RNASEH1: variants seen among roughly 807,000 people sequenced by gnomAD.
RNASEH1 encodes ribonuclease H type II.
A neutral mutation model predicts 34.6 loss-of-function variants in RNASEH1; 27 were observed. That is an observed-to-expected ratio of 0.78 (90% CI 0.58 to 1.08). The LOEUF is 1.08. Among genes scored for constraint, RNASEH1 ranks in the 50% least tolerant of loss-of-function variants. RNASEH1 has a pLI of 0.00. For synonymous variants in RNASEH1, 162 were observed against 138.4 expected, an observed-to-expected ratio of 1.17 and a Z score of -1.20; for missense variants, 349 against 373.6, an observed-to-expected ratio of 0.93 and a Z score of 0.54.
chr2:3,547,900 G>A, intron 7 of RNASEH1, 31 bp downstream of exon 7: 1 of 1,608,148 alleles, frequency 6.2e-7, no homozygotes, highest in Non-Finnish European at 8.5e-7. Context: ...GGTCATAATG[G>A]CCATAGGACA....
Position 3,548,699 on chromosome 2 carries a change from G to A in RNASEH1, c.590C>T (p.Ala197Val), listed in dbSNP as rs1436380013. ...IHAACKAIEQ[A>V]KTQNINKLVL... is the part of the protein sequence containing the mutation. ...CAGTTTATTGATGTTTTGAGTCTTT[G>A]CTTGTTCAATGGCTTTGCAGGCTGC... The change falls in exon 6 of 8, where the codon GCA becomes GTA. Residue 197 changes from alanine (A) to valine (V), a missense_variant. By Grantham distance (64) the Ala-to-Val change is moderately conservative. Transcript: ENST00000315212. The A allele has an allele frequency of 1.9e-6, 3 of 1,612,908 alleles. No homozygotes were observed. The highest frequency in any genetic ancestry group is 2.5e-6 in the Non-Finnish European group (3 of 1,179,154).
chr2:3,550,401 C>T lies in RNASEH1; in HGVS notation c.481G>A (p.Gly161Ser), dbSNP rs756690875. The change falls in exon 4 of 8, where the codon GGC becomes AGC. Residue 161 changes from glycine to serine, a missense_variant. Gly to Ser is a moderately conservative substitution (Grantham distance 56). Coordinates refer to ENST00000315212, the MANE Select transcript of RNASEH1 (RefSeq NM_002936.6). ...GGATGGCCTGGCCCCCAGTAAACGCCGATTCCTGCTCGCGGCCTTCTACGC... is the reference window on the plus strand; with the variant it reads ...GGATGGCCTGGCCCCCAGTAAACGCTGATTCCTGCTCGCGGCCTTCTACGC... ...NGRRRPRAGI[G>S]VYWGPGHPLN... is the part of the protein sequence containing the mutation. 3.7e-6 allele frequency: 6 copies of T among 1,613,926 alleles called. No homozygotes were observed. Among genetic ancestry groups the T allele is most frequent in the East Asian group, 2.2e-5 (1 of 44,890 alleles).
intron 3 of RNASEH1, among the ~76,000 whole-genome samples, chr2:3,551,094 T>G (rs1035542977): frequency 6.6e-6 from 1 of 152,252 alleles, no homozygotes; most frequent in African/African-American, 2.4e-5. Context: ...GAGGTCAGGT[T>G]GCACAGTGTT....
At chr2:3,534,760 C>T in the RNASEH1 span, among the ~76,000 whole-genome samples, 3,267 of 152,318 alleles carry the variant, frequency 0.021, 119 homozygotes, top group African/African-American at 0.073. Context: ...TGGAGGTCTC[C>T]GGCTGGTGAA....
rs1389777175 is a variant in RNASEH1, at chr2:3,547,984, T to C, written c.721A>G (p.Lys241Glu). 2 of 1,613,854 alleles carry C rather than the reference T, an allele frequency of 1.2e-6. No individual in the cohort carries two copies. Among genetic ancestry groups the C allele is most frequent in the Admixed American group, 3.3e-5 (2 of 60,008 alleles). ...KTSAGKEVIN[K>E]EDFVALERLT... is the part of the protein sequence containing the mutation. Reference sequence around the variant, plus strand: ...CTCTCCAGTGCCACAAAGTCCTCTTTGTTGATCACCTCTTTCCCTGCACTT... The same window carrying C: ...CTCTCCAGTGCCACAAAGTCCTCTTCGTTGATCACCTCTTTCCCTGCACTT... Residue 241 changes from lysine (K) to glutamate (E), a missense_variant, in exon 7 of 8, where the codon AAA (lysine) becomes GAA (glutamate). Lys to Glu is a moderately conservative substitution (Grantham distance 56, BLOSUM62 1). Transcript: ENST00000315212.
At chr2:3,540,405 C>T (rs1364584340), downstream of RNASEH1, among the ~76,000 whole-genome samples, 1 of 151,978 alleles carries the variant, frequency 6.6e-6, no homozygotes, top group Non-Finnish European at 1.5e-5. Context: ...GCTGTACTGA[C>T]ATCACTTTTG....
chr2:3,535,010 T>C, the RNASEH1 span, among the ~76,000 whole-genome samples: 1 of 152,206 alleles, frequency 6.6e-6, no homozygotes, highest in Non-Finnish European at 1.5e-5. Flanking sequence ...GGAGTCCGTG[T>C]CCAACACGAA....
At chr2:3,557,035 C>A (rs1660574275) in intron 1 of RNASEH1, 131 bp from the exon 2 acceptor site, 3 of 660,218 alleles carry the variant, frequency 4.5e-6, no homozygotes, top group Non-Finnish European at 8.1e-6. Context: ...AAGTCCTCCA[C>A]CCCATCACAG....
intron 7 of RNASEH1, among the ~76,000 whole-genome samples, chr2:3,547,404 T>G: frequency 6.6e-6 from 1 of 151,988 alleles, no homozygotes; most frequent in Admixed American, 6.6e-5. Flanking sequence ...TCGAACTTCT[T>G]GGCTTAAGTA....
chr2:3,557,937 G>C (rs1253583084), intron 1 of RNASEH1, 196 bp downstream of exon 1: 1 of 1,528,360 alleles, frequency 6.5e-7, no homozygotes, highest in Non-Finnish European at 8.8e-7. Context: ...TCTTCGGTGC[G>C]TTCCAGTCCC....
At chr2:3,540,378 G>A (rs1230720834), downstream of RNASEH1, among the ~76,000 whole-genome samples, 4 of 151,794 alleles carry the variant, frequency 2.6e-5, no homozygotes, top group Non-Finnish European at 4.4e-5. Context: ...CCTTCCCTCC[G>A]GCTTCATGCA....
intron 7 of RNASEH1, 141 bp from the exon 8 acceptor site, chr2:3,546,012 C>T: frequency 1.5e-6 from 1 of 661,610 alleles, no homozygotes; most frequent in South Asian, 1.7e-5. Context: ...CAGACATGAT[C>T]CTCAACAGCA....
At chr2:3,553,682 G>A (rs575817627) in intron 2 of RNASEH1, among the ~76,000 whole-genome samples, 2 of 152,232 alleles carry the variant, frequency 1.3e-5, no homozygotes, top group South Asian at 2.1e-4. Flanking sequence ...GAGCCGCTGC[G>A]CCCGGCCCCA....
the RNASEH1 span, among the ~76,000 whole-genome samples, chr2:3,535,428 TAAA>T: frequency 2.6e-5 from 3 of 114,664 alleles, no homozygotes; most frequent in Non-Finnish European, 1.8e-5. Flanking sequence ...CTATCCTGTC[TAAA>T]AAAAAAAAAA....
intron 4 of RNASEH1, among the ~76,000 whole-genome samples, chr2:3,549,695 G>A (rs935938881): frequency 6.6e-6 from 1 of 151,516 alleles, no homozygotes; most frequent in Non-Finnish European, 1.5e-5. Context: ...CTGAAAAAAG[G>A]ACTCCTCTTG....
chr2:3,536,362 C>T, the RNASEH1 span, among the ~76,000 whole-genome samples: 2 of 152,148 alleles, frequency 1.3e-5, no homozygotes, highest in Non-Finnish European at 2.9e-5. Flanking sequence ...CCGGACCAAG[C>T]TTGCGTCCAC....
rs1274307925 is a variant in RNASEH1, at chr2:3,543,702, C to A, written c.*2083G>T. Among the ~76,000 whole-genome samples the A allele has an allele frequency of 6.6e-6, 1 of 152,136 alleles. No individual in the cohort carries two copies. The highest frequency in any genetic ancestry group is 1.9e-4 in the East Asian group (1 of 5,186). On this transcript the variant is annotated 3_prime_UTR_variant, in exon 8 of 8. Transcript: ENST00000315212. ...TCACAGCTCACGCATCCTCGACCTC[C>A]TGGGCCCAAGCGATCCTCCCATCTC...
In RNASEH1 at chr2:3,545,832, C is replaced by T; in HGVS notation, c.814G>A (p.Glu272Lys). Reference sequence around the variant, plus strand: ...CCTTCTCTGGCTAATCTGTCAGCTTCTTCATTGCCTATAAATCCCGAATGA... The same window carrying T: ...CCTTCTCTGGCTAATCTGTCAGCTTTTTCATTGCCTATAAATCCCGAATGA... ...PGHSGFIGNE[E>K]ADRLAREGAK... Residue 272 changes from glutamate (E) to lysine (K), a missense_variant, in exon 8 of 8, where the codon GAA becomes AAA. Glu to Lys is a moderately conservative substitution (Grantham distance 56). Coordinates refer to ENST00000315212, the MANE Select transcript of RNASEH1 (RefSeq NM_002936.6). 6.2e-7 allele frequency: 1 copy of T among 1,613,860 alleles called. No individual in the cohort carries two copies. The highest frequency in any genetic ancestry group is 8.5e-7 in the Non-Finnish European group (1 of 1,179,692).
chr2:3,555,170 C>T (rs1018742471), intron 2 of RNASEH1, among the ~76,000 whole-genome samples: 1 of 152,118 alleles, frequency 6.6e-6, no homozygotes, highest in Non-Finnish European at 1.5e-5. Context: ...CTGTGCTCAT[C>T]GGTCTCCTCC....
Sources: allele counts gnomAD v4.1 joint callset (sites outside exome capture counted in the v4.1 genomes callset), GRCh38; gene constraint gnomAD v4.1.1; transcripts MANE v1.5; gene names NCBI Gene and HGNC (gene_info 2026-07-23, HGNC 2026-07-21).